Variants in UGT1A9 observed in about 807,000 individuals in gnomAD.
The protein encoded by UGT1A9 is UDP glucuronosyltransferase family 1 member A9, also known as UDP-glucuronosyltransferase 1A9.
In UGT1A9, 35 loss-of-function variants were observed where a neutral mutation model predicts 45.0. That is an observed-to-expected ratio of 0.78 (90% CI 0.59 to 1.03). The LOEUF (loss-of-function observed/expected upper bound fraction) is 1.03. UGT1A9 is among the 50% of genes least tolerant of loss of function. UGT1A9 has a pLI of 0.00. For missense variants in UGT1A9, 687 were observed against 666.6 expected (o/e 1.03, Z -0.34); for synonymous variants, 278 against 250.6 (o/e 1.11, Z -1.03).
intron 1 of UGT1A9, among the ~76,000 whole-genome samples, chr2:233,704,279 G>T (rs1481908490): frequency 9.5e-6 from 1 of 104,872 alleles, no homozygotes; most frequent in African/African-American, 4.5e-5. Context: ...TTTGCATTGA[G>T]TGAATATTTT....
At chr2:233,732,493 G>A (rs141356640) in intron 1 of UGT1A9, among the ~76,000 whole-genome samples, 3,223 of 152,294 alleles carry the variant, frequency 0.021, 102 homozygotes, top group African/African-American at 0.073. Context: ...TGTATAAGGC[G>A]TAAGGAAGGG....
In UGT1A9 at chr2:233,768,446, A is replaced by C. The variant is rs752429515; in HGVS notation, c.1295+7A>C. 1 of 1,612,506 alleles carries C rather than the reference A, an allele frequency of 6.2e-7. No homozygotes were observed. Among genetic ancestry groups the C allele is most frequent in the Non-Finnish European group, 8.5e-7 (1 of 1,179,230 alleles). ...CAGTCATCAATGACAAAAGGTAAGAAAGAAGATACAGAAGAATACTTTGGT... is the reference window on the plus strand; with the variant it reads ...CAGTCATCAATGACAAAAGGTAAGACAGAAGATACAGAAGAATACTTTGGT... On this transcript the variant is annotated splice_region_variant and intron_variant, in intron 4 of 4. Coordinates refer to ENST00000354728, the MANE Select transcript of UGT1A9 (RefSeq NM_021027.3).
At chr2:233,694,301 T>C (rs1426989615) in intron 1 of UGT1A9, among the ~76,000 whole-genome samples, 1 of 151,106 alleles carries the variant, frequency 6.6e-6, no homozygotes, top group East Asian at 1.9e-4. Context: ...AGGCCTGTTT[T>C]TTGTTTTTTT....
At chr2:233,676,973 A>G (rs1411652116) in intron 1 of UGT1A9, among the ~76,000 whole-genome samples, 2 of 152,188 alleles carry the variant, frequency 1.3e-5, no homozygotes, top group Non-Finnish European at 2.9e-5. Context: ...GTAATAATCT[A>G]TAAATGAGGT....
At position 233,773,123 on chromosome 2, in the gene UGT1A9, A is replaced by G. The variant is rs1700567243; in HGVS notation, c.*564A>G. On this transcript the variant is annotated 3_prime_UTR_variant, in exon 5 of 5. Transcript: ENST00000354728. ...GCATATGATTTCTTGCTTTGGGGAA[A>G]AAGAATGATGCTATGAAATTGGTGG... 6.4e-6 allele frequency: 1 copy of G among 155,124 alleles called. No homozygotes were observed. The highest frequency in any genetic ancestry group is 1.4e-5 in the Non-Finnish European group (1 of 69,730). The allele number at this position is 155,124 out of a possible 1,614,324, so 9.6% of individuals were successfully genotyped here. A position where few individuals can be genotyped will look rare whatever the true frequency, so the allele number is the denominator to read the frequency against.
chr2:233,743,215 C>T (rs1225035803), intron 1 of UGT1A9: 38 of 407,424 alleles, frequency 9.3e-5, no homozygotes, highest in Non-Finnish European at 1.6e-4. Context: ...GGAGTAACTG[C>T]TCTTTGCTAT....
At chr2:233,713,442 A>G in intron 1 of UGT1A9, 1 of 1,614,102 alleles carries the variant, frequency 6.2e-7, no homozygotes, top group Non-Finnish European at 8.5e-7. Context: ...TGTGGTTCTA[A>G]CAGACCCCTT....
At position 233,767,811 on chromosome 2, in the gene UGT1A9, G is replaced by C. The variant is rs887887266; in HGVS notation, c.988-38G>C. 1.2e-5 allele frequency: 19 copies of C among 1,614,006 alleles called. No individual in the cohort carries two copies. In the Admixed American group the frequency reaches 2.8e-4, roughly 24 times the overall value. On this transcript the variant is annotated intron_variant, in intron 2 of 4. Coordinates refer to ENST00000354728, the MANE Select transcript of UGT1A9 (RefSeq NM_021027.3). ...CAGATTTGTTTTCTAATCATATTAT[G>C]TTCTTTCTTTACGTTCTGCTCTTTT...
Position 233,760,769 on chromosome 2 carries a change from C to T in UGT1A9, c.856-6265C>T, listed in dbSNP as rs756981269. 1.9e-6 allele frequency: 3 copies of T among 1,614,028 alleles called. No individual in the cohort carries two copies. The South Asian group carries it at 3.3e-5, about 18-fold the overall frequency. On this transcript the variant is annotated intron_variant, in intron 1 of 4. Coordinates refer to ENST00000354728, the MANE Select transcript of UGT1A9 (RefSeq NM_021027.3). ...TTCCTTCCTTGCAGCCCCATCGTGG[C>T]CCAGTACCTGTCTCTGCCCACTGTA...
At position 233,671,982 on chromosome 2, in the gene UGT1A9, G is replaced by A. The variant is rs2074205125; in HGVS notation, c.48G>A (p.Leu16=). The change falls in exon 1 of 5, where the codon CTG becomes CTA. Residue 16 remains leucine (L), a synonymous_variant. Coordinates refer to ENST00000354728, the MANE Select transcript of UGT1A9 (RefSeq NM_021027.3). ...WTSPLPLCVC[L]LLTCGFAEAG... Reference sequence around the variant, plus strand: ...GCCCCCTTCCTCTATGTGTGTGTCTGCTGCTGACCTGTGGCTTTGCCGAGG... The same window carrying A: ...GCCCCCTTCCTCTATGTGTGTGTCTACTGCTGACCTGTGGCTTTGCCGAGG... 6.2e-7 allele frequency: 1 copy of A among 1,614,058 alleles called. No individual in the cohort carries two copies. Among genetic ancestry groups the A allele is most frequent in the South Asian group, 1.1e-5 (1 of 91,066 alleles).
intron 1 of UGT1A9, among the ~76,000 whole-genome samples, chr2:233,738,182 G>A (rs913308909): frequency 7.9e-5 from 12 of 152,164 alleles, no homozygotes; most frequent in African/African-American, 2.9e-4. Flanking sequence ...TGTAAGACGT[G>A]TCTTTGCCTC....
chr2:233,682,031 C>A lies in UGT1A9; in HGVS notation c.855+9242C>A, dbSNP rs145424374. The A allele has an allele frequency of 6.2e-6, 10 of 1,613,956 alleles. No homozygotes were observed. The highest frequency in any genetic ancestry group is 2.7e-5 in the African/African-American group (2 of 74,898). On this transcript the variant is annotated intron_variant, in intron 1 of 4. Transcript: ENST00000354728. Reference sequence around the variant, plus strand: ...CAAGGCAGGGAAGCTGCTGGTAGTGCCCATGGATGGGAGCCACTGGTTCAC... The same window carrying A: ...CAAGGCAGGGAAGCTGCTGGTAGTGACCATGGATGGGAGCCACTGGTTCAC...
At chr2:233,715,060 A>AT (rs2076430472) in intron 1 of UGT1A9, among the ~76,000 whole-genome samples, 2 of 151,556 alleles carry the variant, frequency 1.3e-5, no homozygotes, top group African/African-American at 2.4e-5. Context: ...TTTTTTTTGT[A>AT]TTTTTTATGG....
chr2:233,743,051 C>T, intron 1 of UGT1A9: 1 of 319,368 alleles, frequency 3.1e-6, no homozygotes, highest in Non-Finnish European at 6.1e-6. Context: ...CGTGTAGTCC[C>T]AACGATAAGA....
chr2:233,724,187 G>A (rs1459882110), intron 1 of UGT1A9, among the ~76,000 whole-genome samples: 4 of 123,398 alleles, frequency 3.2e-5, no homozygotes, highest in Admixed American at 7.5e-5. Context: ...CCTCCCGGAC[G>A]GGGTGGCTGG....
chr2:233,749,735 T>C (rs1694263378), intron 1 of UGT1A9, among the ~76,000 whole-genome samples: 1 of 151,892 alleles, frequency 6.6e-6, no homozygotes, highest in Non-Finnish European at 1.5e-5. Context: ...CACCTGCTGG[T>C]CTCATCATAG....
At chr2:233,760,657 T>G in intron 1 of UGT1A9, 1 of 1,614,222 alleles carries the variant, frequency 6.2e-7, no homozygotes. Flanking sequence ...TGCTATGCTT[T>G]TGTCTGGCTG....
intron 1 of UGT1A9, among the ~76,000 whole-genome samples, chr2:233,738,716 A>T (rs1342041986): frequency 6.6e-6 from 1 of 152,244 alleles, no homozygotes; most frequent in Non-Finnish European, 1.5e-5. Flanking sequence ...AGAGCATAAA[A>T]GTTTGGAAAA....
intron 1 of UGT1A9, chr2:233,755,932 G>T (rs1268785135): frequency 7.6e-6 from 1 of 131,750 alleles, no homozygotes; most frequent in African/African-American, 3.0e-5. Context: ...TCGTTTTACA[G>T]TTTTTGCATC....
Sources: gnomAD v4.1 joint callset for allele counts (sites outside exome capture counted in the v4.1 genomes callset) on GRCh38, gnomAD v4.1.1 for gene constraint, MANE v1.5 for transcripts, NCBI Gene and HGNC (gene_info 2026-07-23, HGNC 2026-07-21) for gene names.